The following FRAS1 variants were observed in gnomAD, a reference collection of about 807,000 sequenced individuals.
The protein encoded by FRAS1 is Fraser extracellular matrix complex subunit 1.
In FRAS1, 290 loss-of-function variants were observed where a neutral mutation model predicts 435.2. That is an observed-to-expected ratio of 0.67 (90% CI 0.61 to 0.73). The LOEUF (loss-of-function observed/expected upper bound fraction) is 0.73, where lower values mean the gene tolerates loss of function less well. FRAS1 is among the 30% of genes least tolerant of loss of function. FRAS1 has a pLI of 0.00. For synonymous variants in FRAS1, 1,800 were observed against 1,851.0 expected, an observed-to-expected ratio of 0.97 and a Z score of 0.71; for missense variants, 4,860 against 5,001.5, an observed-to-expected ratio of 0.97 and a Z score of 0.85.
chr4:78,425,710 TG>T (rs1733971964), intron 35 of FRAS1, among the ~76,000 whole-genome samples: 1 of 152,192 alleles, frequency 6.6e-6, no homozygotes, highest in Admixed American at 6.5e-5. Context: ...CAATCAGTAA[TG>T]ATATATGGCA....
intron 18 of FRAS1, among the ~76,000 whole-genome samples, chr4:78,325,176 C>G (rs571607092): frequency 2.0e-5 from 3 of 152,180 alleles, no homozygotes; most frequent in Non-Finnish European, 4.4e-5. Context: ...ATTTCAGCAA[C>G]TAAATATTTC....
chr4:78,084,121 C>T (rs1578112287), intron 2 of FRAS1, among the ~76,000 whole-genome samples: 1 of 152,154 alleles, frequency 6.6e-6, no homozygotes, highest in East Asian at 1.9e-4. Context: ...GAAGTTCCTC[C>T]TTATTCACAA....
chr4:78,472,498 A>AT (rs1332807772), intron 52 of FRAS1, among the ~76,000 whole-genome samples, 168 bp downstream of exon 52: 1 of 152,226 alleles, frequency 6.6e-6, no homozygotes, highest in South Asian at 2.1e-4. Context: ...ATTTCTCCTG[A>AT]TTTTTTTCCC....
At chr4:78,359,561 G>A (rs1730996327) in intron 20 of FRAS1, among the ~76,000 whole-genome samples, 1 of 152,116 alleles carries the variant, frequency 6.6e-6, no homozygotes, top group African/African-American at 2.4e-5. Context: ...ATATGATGGA[G>A]CTGGGAAGGA....
rs546847219 is a variant in FRAS1, at chr4:78,113,700, T to C, written c.108+47684T>C. On this transcript the variant is annotated intron_variant, in intron 2 of 73. Transcript: ENST00000512123. Reference sequence around the variant, plus strand: ...GTTTGTTTTTTTCTTGTAAATTTGTTTGAGTTCATTGTAGATTCTGGATAT... The same window carrying C: ...GTTTGTTTTTTTCTTGTAAATTTGTCTGAGTTCATTGTAGATTCTGGATAT... Among the ~76,000 whole-genome samples the C allele has an allele frequency of 7.9e-5, 12 of 152,326 alleles. No homozygotes were observed. In the South Asian group the frequency reaches 2.5e-3, roughly 32 times the overall value.
chr4:78,115,627 A>G (rs1170434765), intron 2 of FRAS1, among the ~76,000 whole-genome samples: 3 of 152,052 alleles, frequency 2.0e-5, no homozygotes, highest in East Asian at 1.9e-4. Context: ...AGAGGTGTTT[A>G]TAGTATTCTC....
At chr4:78,295,874 T>C (rs1394331477) in intron 14 of FRAS1, among the ~76,000 whole-genome samples, 1 of 151,890 alleles carries the variant, frequency 6.6e-6, no homozygotes, top group Non-Finnish European at 1.5e-5. Flanking sequence ...GCCTTCTGAG[T>C]AGCTGGGACT....
chr4:78,064,774 T>A (rs1236910351), intron 1 of FRAS1, among the ~76,000 whole-genome samples: 1 of 151,982 alleles, frequency 6.6e-6, no homozygotes, highest in Admixed American at 6.6e-5. Context: ...TCCTGAGAAG[T>A]TAATATTATT....
rs759675244 is a variant in FRAS1, at chr4:78,477,882, A to G, written c.7919A>G (p.Glu2640Gly). Reference sequence around the variant, plus strand: ...GTCATCAACGATGATGACGTGTTTGAAAATGTTGAGAGTTTCACTGTGGAG... The same window carrying G: ...GTCATCAACGATGATGACGTGTTTGGAAATGTTGAGAGTTTCACTGTGGAG... ...TIVINDDDVF[E>G]NVESFTVELS... Residue 2640 changes from glutamate to glycine, a missense_variant, in exon 55 of 74, where the codon GAA becomes GGA. Glu to Gly is a moderately conservative substitution (Grantham distance 98). Transcript: ENST00000512123. 3 of 1,613,438 alleles carry G rather than the reference A, an allele frequency of 1.9e-6. No homozygotes were observed. Among genetic ancestry groups the G allele is most frequent in the Admixed American group, 1.7e-5 (1 of 59,964 alleles).
intron 2 of FRAS1, among the ~76,000 whole-genome samples, chr4:78,076,574 A>G (rs1030169351): frequency 2.0e-5 from 3 of 152,174 alleles, no homozygotes; most frequent in Non-Finnish European, 2.9e-5. Context: ...ACAGAACTAT[A>G]TTATTGTTTG....
intron 2 of FRAS1, among the ~76,000 whole-genome samples, chr4:78,220,658 T>C (rs1259043198): frequency 1.3e-5 from 2 of 152,174 alleles, no homozygotes; most frequent in Non-Finnish European, 2.9e-5. Flanking sequence ...AATAGAACAA[T>C]CAAAGCAACA....
chr4:78,471,201 A>C (rs942356844), intron 51 of FRAS1, among the ~76,000 whole-genome samples: 15 of 152,110 alleles, frequency 9.9e-5, no homozygotes, highest in African/African-American at 3.6e-4. Context: ...TCAAGCACTA[A>C]ATCCACATCC....
chr4:78,273,328 T>G, intron 9 of FRAS1, among the ~76,000 whole-genome samples: 1 of 152,226 alleles, frequency 6.6e-6, no homozygotes, highest in South Asian at 2.1e-4. Flanking sequence ...ATGATTGCCC[T>G]GGTCAGAACT....
intron 69 of FRAS1, among the ~76,000 whole-genome samples, chr4:78,525,870 CCCA>C (rs1721519735): frequency 6.6e-6 from 1 of 152,172 alleles, no homozygotes; most frequent in Admixed American, 6.5e-5. Flanking sequence ...TCCTGGGCCC[CCCA>C]TAAACAGGGA....
intron 2 of FRAS1, among the ~76,000 whole-genome samples, chr4:78,085,160 T>A (rs1415024058): frequency 1.3e-5 from 2 of 152,136 alleles, no homozygotes; most frequent in African/African-American, 4.8e-5. Flanking sequence ...TGTTTTAAGG[T>A]CACTTGAAAT....
chr4:78,075,004 C>T (rs750096262), intron 2 of FRAS1, among the ~76,000 whole-genome samples: 9 of 152,066 alleles, frequency 5.9e-5, no homozygotes, highest in African/African-American at 9.7e-5. Flanking sequence ...GCAAGAACTC[C>T]GGTTTCGTAT....
chr4:78,418,005 C>G (rs1277745852), intron 32 of FRAS1, among the ~76,000 whole-genome samples: 1 of 152,230 alleles, frequency 6.6e-6, no homozygotes, highest in African/African-American at 2.4e-5. Flanking sequence ...GCTGCTGTCC[C>G]CAACCCACCA....
chr4:78,522,758 G>C lies in FRAS1; in HGVS notation c.10758G>C (p.Gln3586His), dbSNP rs752144269. The change falls in exon 69 of 74, where the codon CAG (glutamine) becomes CAC (histidine). Residue 3586 changes from glutamine (Q) to histidine (H), a missense_variant. Transcript: ENST00000512123. ...EFDLQLLWSA[Q>H]TFDSPHQLWR... ...ACTTGCAGCTATTATGGAGCGCTCA[G>C]ACTTTTGATTCTCCACATCAACTCT... 6.2e-7 allele frequency: 1 copy of C among 1,612,322 alleles called. No individual in the cohort carries two copies. The highest frequency in any genetic ancestry group is 8.5e-7 in the Non-Finnish European group (1 of 1,179,142).
rs2109935643 is a variant in FRAS1 at position 78,110,334 on chromosome 4, T to C, written c.108+44318T>C. ...AAGAACAAAGCTGGAGGCATCACAC[T>C]ACCTGAGTTCAAACTATAATACAAG... On this transcript the variant is annotated intron_variant, in intron 2 of 73. Transcript: ENST00000512123. Among the ~76,000 whole-genome samples the C allele has an allele frequency of 1.6e-5, 2 of 127,682 alleles. 1 individual carries two copies. The highest frequency in any genetic ancestry group is 4.1e-4 in the East Asian group (2 of 4,864). The allele number at this position is 127,682 out of a possible 152,430, so 83.8% of individuals were successfully genotyped here.
Sources: allele counts gnomAD v4.1 joint callset (sites outside exome capture counted in the v4.1 genomes callset), GRCh38; gene constraint gnomAD v4.1.1; transcripts MANE v1.5; gene names NCBI Gene and HGNC (gene_info 2026-07-23, HGNC 2026-07-21).